FABP12: variants seen among roughly 807,000 people sequenced by gnomAD.
FABP12 encodes fatty acid-binding protein 12.
A neutral mutation model predicts 13.7 loss-of-function variants in FABP12; 19 were observed. The observed-to-expected ratio is 1.39, with a 90% CI of 0.97 to 2.04. FABP12 has a LOEUF of 2.04. FABP12 is among the 30% of genes most tolerant of loss of function. The pLI is 0.00. For synonymous variants in FABP12, 61 were observed against 57.0 expected (o/e 1.07, Z -0.32); for missense variants, 182 against 164.2 (o/e 1.11, Z -0.59).
intron 2 of FABP12, among the ~76,000 whole-genome samples, chr8:81,539,108 C>T (rs1480266904): frequency 6.6e-6 from 1 of 152,120 alleles, no homozygotes; most frequent in Non-Finnish European, 1.5e-5. Context: ...CTCGGCCTCC[C>T]AATGTGCTGA....
At chr8:81,570,333 C>T (rs1224011827) in intron 1 of FABP12, among the ~76,000 whole-genome samples, 2 of 152,258 alleles carry the variant, frequency 1.3e-5, no homozygotes, top group African/African-American at 4.8e-5. Flanking sequence ...CTTATAGCAG[C>T]TCTTTAAGCC....
chr8:81,585,919 G>C (rs562331072), intron 1 of FABP12, among the ~76,000 whole-genome samples: 21 of 152,054 alleles, frequency 1.4e-4, no homozygotes, highest in Non-Finnish European at 2.9e-4. Flanking sequence ...TGGGTGTTTG[G>C]TGTACAAATA....
intron 1 of FABP12, among the ~76,000 whole-genome samples, chr8:81,572,904 T>C (rs7016461): frequency 0.028 from 4,000 of 143,900 alleles, 169 homozygotes; most frequent in African/African-American, 0.093. Flanking sequence ...TGTGGGTTGT[T>C]TGTTTGCTGC....
At chr8:81,561,539 CT>C (rs1202875708) in intron 1 of FABP12, among the ~76,000 whole-genome samples, 1 of 152,134 alleles carries the variant, frequency 6.6e-6, no homozygotes, top group East Asian at 1.9e-4. Context: ...ATCACAGTAT[CT>C]GGTTTTAACT....
At chr8:81,562,547 C>G (rs1165331336) in intron 1 of FABP12, among the ~76,000 whole-genome samples, 1 of 152,084 alleles carries the variant, frequency 6.6e-6, no homozygotes, top group Non-Finnish European at 1.5e-5. Flanking sequence ...GCTCACTGCC[C>G]TGAAGGGAGA....
chr8:81,540,271 C>A (rs1374787701), intron 1 of FABP12, among the ~76,000 whole-genome samples: 1 of 152,206 alleles, frequency 6.6e-6, no homozygotes, highest in African/African-American at 2.4e-5. Context: ...CTGATGCATG[C>A]TCAAATATGA....
intron 1 of FABP12, among the ~76,000 whole-genome samples, chr8:81,542,575 G>A (rs1422159291): frequency 6.6e-6 from 1 of 152,168 alleles, no homozygotes; most frequent in African/African-American, 2.4e-5. Flanking sequence ...AATGAGCTCT[G>A]GATGGGGCTG....
chr8:81,527,523 C>A (rs1324000855), intron 3 of FABP12, among the ~76,000 whole-genome samples: 2 of 151,988 alleles, frequency 1.3e-5, no homozygotes, highest in African/African-American at 2.4e-5. Context: ...CCACCACGCC[C>A]AGCTAATTTT....
chr8:81,578,065 G>T (rs922426653), intron 1 of FABP12, among the ~76,000 whole-genome samples: 1 of 152,188 alleles, frequency 6.6e-6, no homozygotes, highest in Non-Finnish European at 1.5e-5. Context: ...AGTTTGGGAA[G>T]CATCAGGTTA....
upstream of FABP12, among the ~76,000 whole-genome samples, chr8:81,536,580 T>G (rs187513863): frequency 2.0e-4 from 30 of 152,302 alleles, no homozygotes; most frequent in East Asian, 5.8e-3. Flanking sequence ...AAAGGAAAGA[T>G]CCCTAGGATA....
chr8:81,535,229 C>T (rs1809193729), upstream of FABP12, among the ~76,000 whole-genome samples: 1 of 152,206 alleles, frequency 6.6e-6, no homozygotes, highest in South Asian at 2.1e-4. Context: ...TGAACCACCA[C>T]CTTCTGCAGT....
intron 1 of FABP12, among the ~76,000 whole-genome samples, chr8:81,548,569 G>T (rs1809475122): frequency 6.6e-6 from 1 of 152,078 alleles, no homozygotes; most frequent in African/African-American, 2.4e-5. Context: ...TCAGACTTTG[G>T]TATGTATCAG....
At chr8:81,582,354 C>A (rs991646335) in intron 1 of FABP12, among the ~76,000 whole-genome samples, 2 of 151,870 alleles carry the variant, frequency 1.3e-5, no homozygotes, top group Non-Finnish European at 2.9e-5. Flanking sequence ...AACTCCTGAC[C>A]TTGTGATCCT....
intron 3 of FABP12, 62 bp downstream of exon 3, chr8:81,529,376 C>CGA (rs764469867): frequency 6.6e-7 from 1 of 1,526,436 alleles, no homozygotes; most frequent in South Asian, 1.1e-5. Flanking sequence ...GCTTACTTAC[C>CGA]GAGGATGATA....
chr8:81,553,583 AT>A (rs1311367099), intron 1 of FABP12, among the ~76,000 whole-genome samples: 5 of 152,130 alleles, frequency 3.3e-5, no homozygotes, highest in African/African-American at 9.7e-5. Context: ...TCATGCTTTT[AT>A]TTTACACAGG....
Position 81,525,140 on chromosome 8 carries a change from T to G in FABP12, c.349-20A>C, listed in dbSNP as rs374412876. The G allele has an allele frequency of 5.1e-5, 74 of 1,465,178 alleles. No homozygotes were observed. Among genetic ancestry groups the G allele is most frequent in the Non-Finnish European group, 6.9e-5 (73 of 1,060,068 alleles). The allele number at this position is 1,465,178 out of a possible 1,614,324, so 90.8% of individuals were successfully genotyped here. On this transcript the variant is annotated intron_variant, in intron 4 of 4. Transcript: ENST00000360464. ...ACTTTCCTACAAGACAAAAGAAATA[T>G]GAGGTATTTCAGTATAGTTAGTGAA...
chr8:81,534,255 C>A (rs1301403527), upstream of FABP12, among the ~76,000 whole-genome samples: 1 of 152,142 alleles, frequency 6.6e-6, no homozygotes, highest in African/African-American at 2.4e-5. Flanking sequence ...TTCCTGCAGA[C>A]CCTTTCCTGC....
intron 1 of FABP12, among the ~76,000 whole-genome samples, chr8:81,586,702 GGTT>G (rs1292325900): frequency 6.6e-6 from 1 of 151,870 alleles, no homozygotes; most frequent in Non-Finnish European, 1.5e-5. Context: ...TTTGGTTTTT[GGTT>G]GTTGATTTGT....
At chr8:81,550,521 C>A (rs552234003) in intron 1 of FABP12, among the ~76,000 whole-genome samples, 3 of 152,176 alleles carry the variant, frequency 2.0e-5, no homozygotes. Flanking sequence ...AACCTCTCCT[C>A]TCTTTCATTT....
Sources: gnomAD v4.1 joint callset for allele counts (sites outside exome capture counted in the v4.1 genomes callset) on GRCh38, gnomAD v4.1.1 for gene constraint, MANE v1.5 for transcripts, NCBI Gene and HGNC (gene_info 2026-07-23, HGNC 2026-07-21) for gene names.